Variants in GLI2 observed in about 807,000 individuals in gnomAD.
The protein encoded by GLI2 is GLI family zinc finger 2, also known as transcription activator GLI2.
A neutral mutation model predicts 78.9 loss-of-function variants in GLI2; 22 were observed. The ratio of observed to expected loss-of-function variants is 0.28; its 90% CI spans 0.20 to 0.40. GLI2 has a LOEUF of 0.40. Among genes scored for constraint, GLI2 ranks in the 10% least tolerant of loss-of-function variants. The probability of loss-of-function intolerance (pLI) is 1.00; values close to 1 mark genes in which losing one functional copy is unlikely to be tolerated. For missense variants in GLI2, 2,097 were observed against 2,213.2 expected (o/e 0.95, Z 1.05); for synonymous variants, 974 against 963.7 (o/e 1.01, Z -0.20).
At chr2:120,874,689 T>G (rs962423137) in intron 2 of GLI2, among the ~76,000 whole-genome samples, 1 of 152,262 alleles carries the variant, frequency 6.6e-6, no homozygotes, top group Non-Finnish European at 1.5e-5. Context: ...GGTATCTCTC[T>G]GCTCAGGAGG....
At chr2:120,810,125 T>G (rs1285470949) in intron 2 of GLI2, among the ~76,000 whole-genome samples, 2 of 152,212 alleles carry the variant, frequency 1.3e-5, no homozygotes, top group African/African-American at 4.8e-5. Flanking sequence ...CCTCACAGCC[T>G]TGCTGCCCAC....
At chr2:120,769,338 A>G (rs1051679804) in intron 1 of GLI2, among the ~76,000 whole-genome samples, 1 of 152,250 alleles carries the variant, frequency 6.6e-6, no homozygotes, top group Non-Finnish European at 1.5e-5. Context: ...GTACTGTCCC[A>G]GTCCAGTGAG....
At chr2:120,969,826 A>G (rs1229378844) in intron 6 of GLI2, among the ~76,000 whole-genome samples, 1 of 152,182 alleles carries the variant, frequency 6.6e-6, no homozygotes, top group Non-Finnish European at 1.5e-5. Context: ...CTTGCAGCCT[A>G]TGATGTGAGA....
chr2:120,982,705 C>A lies in GLI2; in HGVS notation c.1468-11C>A, dbSNP rs1414687726. ...TGGGGTGCCTTGACTGACTGAACCGCCTCCTTCTAGTTCGAGGGCTGCTCG... is the reference window on the plus strand; with the variant it reads ...TGGGGTGCCTTGACTGACTGAACCGACTCCTTCTAGTTCGAGGGCTGCTCG... On this transcript the variant is annotated splice_polypyrimidine_tract_variant and intron_variant, in intron 10 of 13. Coordinates refer to ENST00000361492, the MANE Select transcript of GLI2 (RefSeq NM_001374353.1). 1 of 1,608,120 alleles carries A rather than the reference C, an allele frequency of 6.2e-7. No individual in the cohort carries two copies. Among genetic ancestry groups the A allele is most frequent in the Non-Finnish European group, 8.5e-7 (1 of 1,175,870 alleles).
chr2:120,775,809 G>A (rs902959732), intron 1 of GLI2, among the ~76,000 whole-genome samples: 1 of 152,198 alleles, frequency 6.6e-6, no homozygotes, highest in African/African-American at 2.4e-5. Context: ...TGTTCCCCTG[G>A]GGGGAATGTG....
intron 1 of GLI2, among the ~76,000 whole-genome samples, chr2:120,752,043 C>T (rs866150478): frequency 4.6e-5 from 7 of 152,116 alleles, no homozygotes; most frequent in Admixed American, 6.5e-5. Flanking sequence ...CTAGAGAGAA[C>T]GGCTGATAGT....
chr2:120,836,770 A>G (rs1686631454), intron 2 of GLI2, among the ~76,000 whole-genome samples: 1 of 152,142 alleles, frequency 6.6e-6, no homozygotes, highest in South Asian at 2.1e-4. Context: ...CACACTGCTC[A>G]TTTAGAAGCC....
At chr2:120,794,538 C>T (rs529508514) in intron 1 of GLI2, among the ~76,000 whole-genome samples, 11 of 151,760 alleles carry the variant, frequency 7.2e-5, no homozygotes. Context: ...GAAAGAGTGC[C>T]TGGCACAGAG....
In GLI2 at chr2:120,972,540, C is replaced by CA. The variant is rs1682237366; in HGVS notation, c.1182+478dup. The stretch of plus-strand genomic sequence containing the variant: ...GGACTGAGCTCCAGGCCCACACACC[C>CA]AGCCTAGCTCAGGGGTCACTTCAGG... On this transcript the variant is annotated intron_variant, in intron 8 of 13. Transcript: ENST00000361492. 4 of 465,714 alleles carry CA rather than the reference C, an allele frequency of 8.6e-6. No homozygotes were observed. In the Admixed American group the frequency reaches 9.1e-5, roughly 11 times the overall value. The allele number at this position is 465,714 out of a possible 1,614,324, so 28.8% of individuals were successfully genotyped here. A position where few individuals can be genotyped will look rare whatever the true frequency, so the allele number is the denominator to read the frequency against.
intron 2 of GLI2, among the ~76,000 whole-genome samples, chr2:120,907,254 C>T (rs976493619): frequency 6.6e-6 from 1 of 152,172 alleles, no homozygotes; most frequent in African/African-American, 2.4e-5. Flanking sequence ...CTTGGCTTCA[C>T]CTGTTGACGG....
intron 2 of GLI2, among the ~76,000 whole-genome samples, chr2:120,899,406 TACACACACAC>T (rs71398006): frequency 1.4e-5 from 2 of 146,468 alleles, no homozygotes; most frequent in Non-Finnish European, 1.5e-5. Context: ...TACACACACA[TACACACACAC>T]ACACACACAC....
chr2:120,772,281 G>A (rs1214554711), intron 1 of GLI2, among the ~76,000 whole-genome samples: 3 of 152,170 alleles, frequency 2.0e-5, no homozygotes, highest in Admixed American at 6.5e-5. Flanking sequence ...TAACCCGCAA[G>A]GTCTCCTTTC....
intron 1 of GLI2, among the ~76,000 whole-genome samples, chr2:120,766,068 G>A (rs1683356920): frequency 6.6e-6 from 1 of 152,218 alleles, no homozygotes; most frequent in Non-Finnish European, 1.5e-5. Flanking sequence ...CTCTCGCGTG[G>A]CTGGATCGTG....
chr2:120,919,126 T>G (rs997525108), intron 2 of GLI2, among the ~76,000 whole-genome samples: 1 of 151,840 alleles, frequency 6.6e-6, no homozygotes, highest in Non-Finnish European at 1.5e-5. Flanking sequence ...AAGCAACCAG[T>G]AAGCCATCTA....
intron 2 of GLI2, among the ~76,000 whole-genome samples, chr2:120,879,904 C>T (rs573776048): frequency 3.3e-5 from 5 of 152,328 alleles, no homozygotes; most frequent in South Asian, 2.1e-4. Flanking sequence ...TGAGCCTCCA[C>T]GGCCAGCCAT....
At position 120,775,358 on chromosome 2, in the gene GLI2, G is replaced by T. The variant is rs1343122655; in HGVS notation, c.-30-21933G>T. On this transcript the variant is annotated intron_variant, in intron 1 of 13. Coordinates refer to ENST00000361492, the MANE Select transcript of GLI2 (RefSeq NM_001374353.1). ...AATAATTATGCTTCGTGACGCGTGT[G>T]TTATTTATGTAGCCTCACCTCTCCC... Among the ~76,000 whole-genome samples, 3 of 152,224 alleles carry T rather than the reference G, an allele frequency of 2.0e-5. No individual in the cohort carries two copies. In the East Asian group the frequency reaches 5.8e-4, roughly 29 times the overall value.
intron 2 of GLI2, among the ~76,000 whole-genome samples, chr2:120,850,125 TATACAAGAACA>T (rs1350377206): frequency 1.3e-5 from 2 of 151,210 alleles, no homozygotes; most frequent in Non-Finnish European, 2.9e-5. Flanking sequence ...GGGAGAAGGT[TATACAAGAACA>T]ATACAAGAAA....
chr2:120,942,181 G>A (rs1680479408), intron 3 of GLI2, among the ~76,000 whole-genome samples: 1 of 152,156 alleles, frequency 6.6e-6, no homozygotes, highest in Admixed American at 6.5e-5. Flanking sequence ...CATTTCCTGG[G>A]GCTGCTGTAA....
intron 1 of GLI2, among the ~76,000 whole-genome samples, chr2:120,779,866 G>T (rs748154809): frequency 1.3e-5 from 2 of 152,168 alleles, no homozygotes; most frequent in African/African-American, 4.8e-5. Flanking sequence ...TTCCCAGCCC[G>T]GGAGAGTGCA....
Sources: allele counts gnomAD v4.1 joint callset (sites outside exome capture counted in the v4.1 genomes callset), GRCh38; gene constraint gnomAD v4.1.1; transcripts MANE v1.5; gene names NCBI Gene and HGNC (gene_info 2026-07-23, HGNC 2026-07-21).